SAMD4A: variants seen among roughly 807,000 people sequenced by gnomAD.
SAMD4A encodes the protein protein Smaug homolog 1.
A neutral mutation model predicts 81.3 loss-of-function variants in SAMD4A; 33 were observed. The ratio of observed to expected loss-of-function variants is 0.41; its 90% CI spans 0.31 to 0.54. SAMD4A has a LOEUF of 0.54. Among genes scored for constraint, SAMD4A ranks in the 20% least tolerant of loss-of-function variants. SAMD4A has a pLI of 0.37. For missense variants in SAMD4A, 854 were observed against 951.1 expected (o/e 0.90, Z 1.34); for synonymous variants, 389 against 382.1 (o/e 1.02, Z -0.21).
intron 2 of SAMD4A, among the ~76,000 whole-genome samples, chr14:54,688,539 G>A (rs1040699405): frequency 1.3e-5 from 2 of 152,176 alleles, no homozygotes; most frequent in Admixed American, 6.5e-5. Flanking sequence ...GGGCCAAATC[G>A]TGGCTTCCCT....
chr14:54,573,948 A>G (rs1364880062), intron 2 of SAMD4A, among the ~76,000 whole-genome samples: 2 of 152,222 alleles, frequency 1.3e-5, no homozygotes, highest in African/African-American at 4.8e-5. Flanking sequence ...CATTCCACAT[A>G]TCAACATTTT....
intron 2 of SAMD4A, chr14:54,687,463 C>A: frequency 2.4e-6 from 1 of 417,104 alleles, no homozygotes; most frequent in South Asian, 1.7e-5. Context: ...CAAAAAAAGG[C>A]AGCCAAAAAA....
intron 3 of SAMD4A, among the ~76,000 whole-genome samples, chr14:54,724,978 G>A (rs576643825): frequency 6.6e-6 from 1 of 152,288 alleles, no homozygotes; most frequent in Admixed American, 6.5e-5. Context: ...GGCTCTAGGA[G>A]GGGCTGAGAG....
intron 2 of SAMD4A, among the ~76,000 whole-genome samples, chr14:54,631,603 A>G (rs2034905384): frequency 6.6e-6 from 1 of 152,188 alleles, no homozygotes; most frequent in African/African-American, 2.4e-5. Flanking sequence ...TGTGGCCTCA[A>G]AGAAGGAGTT....
rs1566540273 is a variant in SAMD4A, at chr14:54,599,299, A to G, written c.196+31187A>G. Among the ~76,000 whole-genome samples, 4 of 152,364 alleles carry G rather than the reference A, an allele frequency of 2.6e-5. No homozygotes were observed. The South Asian group carries it at 6.2e-4, about 24-fold the overall frequency. On this transcript the variant is annotated intron_variant, in intron 2 of 12. Coordinates refer to ENST00000554335, the MANE Select transcript of SAMD4A (RefSeq NM_015589.6). ...ATTTAAAGAAATGAGGACTAAAAAA[A>G]GATTATATATAACCCAACATAAAGG...
chr14:54,593,597 C>A (rs563321492), intron 2 of SAMD4A, among the ~76,000 whole-genome samples: 72 of 151,962 alleles, frequency 4.7e-4, no homozygotes, highest in South Asian at 1.7e-3. Context: ...TCATCTTTAC[C>A]CTATGGAAAA....
At chr14:54,718,578 T>TTG (rs879283417) in intron 3 of SAMD4A, among the ~76,000 whole-genome samples, 26 of 152,094 alleles carry the variant, frequency 1.7e-4, no homozygotes, top group African/African-American at 5.1e-4. Context: ...TGTTGTTGTT[T>TTG]TTTCTAACTC....
At chr14:54,779,103 C>T (rs758962929) in intron 11 of SAMD4A, among the ~76,000 whole-genome samples, 2 of 151,314 alleles carry the variant, frequency 1.3e-5, no homozygotes, top group African/African-American at 2.5e-5. Context: ...GATTCAGAGC[C>T]GCTTCTGCTC....
At chr14:54,682,736 C>T (rs745536292) in intron 2 of SAMD4A, among the ~76,000 whole-genome samples, 8 of 152,164 alleles carry the variant, frequency 5.3e-5, no homozygotes, top group African/African-American at 1.4e-4. Flanking sequence ...GGAAGATGAA[C>T]ATGTACCAAA....
intron 2 of SAMD4A, chr14:54,685,569 G>T: frequency 2.4e-6 from 1 of 412,494 alleles, no homozygotes; most frequent in South Asian, 1.8e-5. Context: ...ACATTGGTAC[G>T]CTAGTACTTG....
intron 2 of SAMD4A, among the ~76,000 whole-genome samples, chr14:54,569,620 T>C (rs2033069699): frequency 6.6e-6 from 1 of 152,242 alleles, no homozygotes; most frequent in South Asian, 2.1e-4. Context: ...ATTGGGTAAC[T>C]GATGATCCAC....
chr14:54,724,003 T>A (rs74706440), intron 3 of SAMD4A, among the ~76,000 whole-genome samples: 11,647 of 54,608 alleles, frequency 0.21, 546 homozygotes, highest in Middle Eastern at 0.25. Flanking sequence ...GATGGATGGA[T>A]GGATGGAAGG....
chr14:54,750,776 G>T (rs1247205291), intron 5 of SAMD4A, among the ~76,000 whole-genome samples: 1 of 152,162 alleles, frequency 6.6e-6, no homozygotes, highest in African/African-American at 2.4e-5. Context: ...ACTGAGAGGG[G>T]CTGAAATTAT....
At chr14:54,784,752 AG>A (rs766267884) in intron 12 of SAMD4A, 132 bp downstream of exon 12, 10 of 808,714 alleles carry the variant, frequency 1.2e-5, no homozygotes, top group Non-Finnish European at 1.7e-5. Context: ...GGCAGGGGAC[AG>A]GGAGAAAGAG....
chr14:54,760,394 G>C lies in SAMD4A; in HGVS notation c.1410G>C (p.Gly470=), dbSNP rs747712759. The C allele has an allele frequency of 6.7e-7, 1 of 1,492,426 alleles. No homozygotes were observed. The highest frequency in any genetic ancestry group is 8.8e-7 in the Non-Finnish European group (1 of 1,133,426). 92.4% of individuals were successfully genotyped at this position (1,492,426 alleles called of 1,614,324 possible). A position where few individuals can be genotyped will look rare whatever the true frequency, so the allele number is the denominator to read the frequency against. Residue 470 remains glycine (G), a synonymous_variant, in exon 7 of 13, where the codon GGG becomes GGC. Transcript: ENST00000554335. ...CCCCCTCGGCCGGGGCCAGCGGGGG[G>C]CTCCAGCCGCACCAGCTGAGCAGCT... The part of the protein sequence containing the change: ...TATPSAGASG[G]LQPHQLSSCD...
chr14:54,602,371 C>CACAG (rs2034077675), intron 2 of SAMD4A, among the ~76,000 whole-genome samples: 1 of 133,054 alleles, frequency 7.5e-6, no homozygotes, highest in African/African-American at 2.9e-5. Context: ...CACACACACA[C>CACAG]ACACGAAACA....
At chr14:54,709,952 G>C (rs2036949332) in intron 3 of SAMD4A, among the ~76,000 whole-genome samples, 1 of 152,194 alleles carries the variant, frequency 6.6e-6, no homozygotes, top group South Asian at 2.1e-4. Flanking sequence ...CTGCCTTTCT[G>C]ACCCTTGTCT....
chr14:54,775,223 G>C (rs2295824), intron 10 of SAMD4A, 88 bp downstream of exon 10: 555,962 of 1,483,174 alleles, frequency 0.37, 106,469 homozygotes, highest in South Asian at 0.52. Flanking sequence ...AGGGTGGGGA[G>C]AGAGGCCAAA....
At chr14:54,566,889 G>A (rs540711747), upstream of SAMD4A, among the ~76,000 whole-genome samples, 769 of 152,270 alleles carry the variant, frequency 5.1e-3, 3 homozygotes, top group African/African-American at 0.017. Context: ...GCTGGGCGCG[G>A]AGCTTTGGGT....
Sources: allele counts gnomAD v4.1 joint callset (sites outside exome capture counted in the v4.1 genomes callset), GRCh38; gene constraint gnomAD v4.1.1; transcripts MANE v1.5; gene names NCBI Gene and HGNC (gene_info 2026-07-23, HGNC 2026-07-21).